PTPRG: variants seen among roughly 807,000 people sequenced by gnomAD.
PTPRG encodes the protein receptor-type tyrosine-protein phosphatase gamma.
Under a neutral mutation model 165.3 loss-of-function variants are expected in PTPRG, and 102 were observed. The ratio of observed to expected loss-of-function variants is 0.62; its 90% CI spans 0.53 to 0.73. The LOEUF (loss-of-function observed/expected upper bound fraction) is 0.73. PTPRG is among the 30% of genes least tolerant of loss of function. The pLI, the probability that PTPRG is intolerant of heterozygous loss-of-function variation, is 0.00. For missense variants in PTPRG, 1,866 were observed against 1,861.4 expected, an observed-to-expected ratio of 1.00 and a Z score of -0.05; for synonymous variants, 675 against 669.5, an observed-to-expected ratio of 1.01 and a Z score of -0.13.
At chr3:61,779,651 G>A (rs2034487298) in intron 2 of PTPRG, among the ~76,000 whole-genome samples, 1 of 152,150 alleles carries the variant, frequency 6.6e-6, no homozygotes, top group Non-Finnish European at 1.5e-5. Context: ...AGGAAGATTA[G>A]CTTCTTAAAT....
intron 2 of PTPRG, among the ~76,000 whole-genome samples, chr3:61,764,764 T>A (rs531681291): frequency 6.6e-6 from 1 of 152,332 alleles, no homozygotes; most frequent in Non-Finnish European, 1.5e-5. Context: ...CTTCTGGCCC[T>A]GTATTCTTGC....
intron 5 of PTPRG, chr3:62,124,301 A>G (rs1703201107): frequency 6.3e-7 from 1 of 1,599,318 alleles, no homozygotes; most frequent in Non-Finnish European, 8.6e-7. Context: ...GAGGGTGGTC[A>G]GCGGCATCCT....
rs71296730 is a variant in PTPRG, at chr3:61,561,909, G to T, written c.-379G>T. ...GGCTCTCGGGCTGTGCTGCGCTGCC[G>T]ACTCAAGTTGGGGATCCTCGGCTGC... On this transcript the variant is annotated 5_prime_UTR_variant, in exon 1 of 30. Transcript: ENST00000474889. 1.3e-5 allele frequency: 2 copies of T among 159,082 alleles called. No individual in the cohort carries two copies. Among genetic ancestry groups the T allele is most frequent in the South Asian group, 3.6e-4 (2 of 5,616 alleles). The allele number at this position is 159,082 out of a possible 1,614,324, so 9.9% of individuals were successfully genotyped here. A position where few individuals can be genotyped will look rare whatever the true frequency, so the allele number is the denominator to read the frequency against.
At chr3:61,711,732 A>T (rs11705964) in intron 1 of PTPRG, among the ~76,000 whole-genome samples, 17,862 of 152,202 alleles carry the variant, frequency 0.12, 1,364 homozygotes, top group East Asian at 0.17. Flanking sequence ...GAACTTAAAC[A>T]AATTTACAAG....
intron 2 of PTPRG, among the ~76,000 whole-genome samples, chr3:61,818,519 G>A (rs953800831): frequency 6.6e-6 from 1 of 152,124 alleles, no homozygotes; most frequent in Admixed American, 6.5e-5. Flanking sequence ...AGTTGTTTAG[G>A]TGGGTGTGGT....
intron 4 of PTPRG, among the ~76,000 whole-genome samples, chr3:62,056,657 C>T (rs1559770834): frequency 6.6e-6 from 1 of 152,148 alleles, no homozygotes; most frequent in South Asian, 2.1e-4. Flanking sequence ...GCCAGTGGCA[C>T]CCCTGACACA....
chr3:61,777,360 C>T (rs971496469), intron 2 of PTPRG, among the ~76,000 whole-genome samples: 2 of 152,146 alleles, frequency 1.3e-5, no homozygotes, highest in African/African-American at 4.8e-5. Flanking sequence ...TGGCTAGTGG[C>T]TACCATATTG....
intron 1 of PTPRG, among the ~76,000 whole-genome samples, chr3:61,702,767 G>T (rs567741307): frequency 1.8e-4 from 28 of 152,336 alleles, no homozygotes; most frequent in Admixed American, 1.5e-3. Flanking sequence ...TTTTGGGTCT[G>T]TCTGCTTTTG....
intron 2 of PTPRG, among the ~76,000 whole-genome samples, chr3:61,793,725 C>A (rs1182532042): frequency 6.6e-6 from 1 of 152,154 alleles, no homozygotes; most frequent in Non-Finnish European, 1.5e-5. Flanking sequence ...TCCAGTACAG[C>A]TTTCTGGATG....
chr3:61,651,072 C>G (rs902327295), intron 1 of PTPRG, among the ~76,000 whole-genome samples: 2 of 151,426 alleles, frequency 1.3e-5, no homozygotes, highest in African/African-American at 4.8e-5. Flanking sequence ...TTCCTCATTG[C>G]CTACACTTCT....
Position 62,252,775 on chromosome 3 carries a change from A to G in PTPRG, c.2468-2349A>G, listed in dbSNP as rs372997153. Among the ~76,000 whole-genome samples, 1 of 152,312 alleles carries G rather than the reference A, an allele frequency of 6.6e-6. No homozygotes were observed. On this transcript the variant is annotated intron_variant, in intron 15 of 29. Coordinates refer to ENST00000474889, the MANE Select transcript of PTPRG (RefSeq NM_002841.4). The surrounding 1 kb of genome is among the most constrained non-coding windows in gnomAD (Gnocchi z 4.6). ...AAAGAAAAGAGATTTATGACTCCTC[A>G]GCTATTTATCTTGATTGCAGGGCAA... is the stretch of plus-strand genomic sequence containing the variant.
rs540462953 is a variant in PTPRG at position 61,562,505 on chromosome 3, A to T, written c.85+133A>T. On this transcript the variant is annotated intron_variant, in intron 1 of 29. Coordinates refer to ENST00000474889, the MANE Select transcript of PTPRG (RefSeq NM_002841.4). ...GGGTGGAGGGTGGCCCGGCGCCCGG[A>T]TAGGAGAAAAGGATTGCTCCGCTGG... 11 of 715,486 alleles carry T rather than the reference A, an allele frequency of 1.5e-5. No homozygotes were observed. In the African/African-American group the frequency reaches 2.0e-4, roughly 13 times the overall value. The allele number at this position is 715,486 out of a possible 1,614,324, so 44.3% of individuals were successfully genotyped here.
intron 2 of PTPRG, among the ~76,000 whole-genome samples, chr3:61,857,006 G>GA (rs1246890296): frequency 4.6e-5 from 7 of 151,352 alleles, no homozygotes; most frequent in African/African-American, 1.2e-4. Flanking sequence ...TATTTTCAAA[G>GA]AAAAAAAATG....
intron 8 of PTPRG, among the ~76,000 whole-genome samples, chr3:62,168,795 G>C (rs1346732795): frequency 2.0e-5 from 3 of 152,180 alleles, no homozygotes; most frequent in Non-Finnish European, 4.4e-5. Context: ...GTGTTAACCA[G>C]CTCAGTGACC....
intron 2 of PTPRG, among the ~76,000 whole-genome samples, chr3:61,766,008 T>C (rs1419464132): frequency 1.3e-5 from 2 of 152,196 alleles, no homozygotes; most frequent in Admixed American, 1.3e-4. Context: ...CAATTTTTAT[T>C]AGCATTGAAG....
intron 27 of PTPRG, 52 bp from the exon 28 acceptor site, chr3:62,282,675 G>C: frequency 6.4e-7 from 1 of 1,552,982 alleles, no homozygotes; most frequent in Non-Finnish European, 8.7e-7. Flanking sequence ...TCATTAGATT[G>C]TAGATATGTG....
intron 2 of PTPRG, among the ~76,000 whole-genome samples, chr3:61,851,493 A>G (rs543966910): frequency 6.6e-5 from 10 of 152,022 alleles, no homozygotes; most frequent in East Asian, 5.8e-4. Flanking sequence ...ACTGACCAAT[A>G]TATCTCATGG....
At chr3:62,000,730 G>C (rs772020723) in intron 3 of PTPRG, among the ~76,000 whole-genome samples, 3 of 152,166 alleles carry the variant, frequency 2.0e-5, no homozygotes, top group Admixed American at 6.5e-5. Context: ...TTGCTTTAAA[G>C]TATAACTTTC....
intron 6 of PTPRG, among the ~76,000 whole-genome samples, chr3:62,154,322 C>A (rs1029542404): frequency 2.6e-5 from 4 of 152,184 alleles, no homozygotes; most frequent in South Asian, 2.1e-4. Flanking sequence ...AGGCCCTCCT[C>A]CCCTGTCCCT....
Sources: gnomAD v4.1 joint callset for allele counts (sites outside exome capture counted in the v4.1 genomes callset) on GRCh38, gnomAD v4.1.1 for gene constraint, Gnocchi (gnomAD v3.1) non-coding constraint, MANE v1.5 for transcripts, NCBI Gene and HGNC (gene_info 2026-07-23, HGNC 2026-07-21) for gene names.